ENOX1: variants seen among roughly 807,000 people sequenced by gnomAD.
ENOX1 encodes the protein candidate growth-related and time keeping constitutive hydroquinone (NADH) oxidase.
ENOX1 carries 42 observed loss-of-function variants against 82.5 expected under a neutral mutation model. The ratio of observed to expected loss-of-function variants is 0.51; its 90% CI spans 0.40 to 0.66. The LOEUF is 0.66. ENOX1 is among the 30% of genes least tolerant of loss of function. ENOX1 has a pLI of 0.00. For missense variants in ENOX1, 608 were observed against 811.6 expected, an observed-to-expected ratio of 0.75 and a Z score of 3.05; for synonymous variants, 271 against 282.2, an observed-to-expected ratio of 0.96 and a Z score of 0.40.
chr13:43,507,821 G>T (rs2077226028), intron 2 of ENOX1, among the ~76,000 whole-genome samples: 1 of 151,736 alleles, frequency 6.6e-6, no homozygotes, highest in Non-Finnish European at 1.5e-5. Context: ...TGCAATAAAG[G>T]CAGATTACAC....
rs7988098 is a variant in ENOX1, at chr13:43,299,753, A to G, written c.1262-1223T>C. Among the ~76,000 whole-genome samples, 1,166 of 152,320 alleles carry G rather than the reference A, an allele frequency of 7.7e-3. 12 individuals carry two copies. The highest frequency in any genetic ancestry group is 0.021 in the African/African-American group (893 of 41,544). On this transcript the variant is annotated intron_variant, in intron 11 of 16. Coordinates refer to ENST00000690772, the MANE Select transcript of ENOX1 (RefSeq NM_001347969.2). ...ACTTGTGTAAGCAAGAGAAAAGTGA[A>G]AGAAAATTTGAAACGCTTGTTACCA... is the stretch of plus-strand genomic sequence containing the variant.
rs1818562795 is a variant in ENOX1 at position 43,213,606 on chromosome 13, G to GATTTCA, written c.*378_*383dup. ...GACTTTCAGGAAAATGTCATTTAAT[G>GATTTCA]ATTTCAGCTATACATTACATATACA... On this transcript the variant is annotated 3_prime_UTR_variant, in exon 17 of 17. Coordinates refer to ENST00000690772, the MANE Select transcript of ENOX1 (RefSeq NM_001347969.2). 1 of 97,832 alleles carries GATTTCA rather than the reference G, an allele frequency of 1.0e-5. No individual in the cohort carries two copies. Among genetic ancestry groups the GATTTCA allele is most frequent in the Non-Finnish European group, 1.9e-5 (1 of 52,502 alleles). 6.1% of individuals were successfully genotyped at this position (97,832 alleles called of 1,614,324 possible). A position where few individuals can be genotyped will look rare whatever the true frequency, so the allele number is the denominator to read the frequency against.
At chr13:43,670,765 C>T (rs2085222747) in intron 1 of ENOX1, among the ~76,000 whole-genome samples, 1 of 152,058 alleles carries the variant, frequency 6.6e-6, no homozygotes, top group Non-Finnish European at 1.5e-5. Context: ...ATTGCTTGAG[C>T]CCAGGAAGTG....
At chr13:43,437,566 C>T (rs1004825346) in intron 3 of ENOX1, among the ~76,000 whole-genome samples, 2 of 152,098 alleles carry the variant, frequency 1.3e-5, no homozygotes, top group African/African-American at 4.8e-5. Context: ...AGGTTTGTGA[C>T]CTGGGGCAAA....
intron 3 of ENOX1, among the ~76,000 whole-genome samples, chr13:43,439,152 C>G (rs536828803): frequency 1.3e-5 from 2 of 149,896 alleles, no homozygotes; most frequent in East Asian, 2.0e-4. Flanking sequence ...CGGGTTCAAG[C>G]AATTCTCCTG....
intron 1 of ENOX1, among the ~76,000 whole-genome samples, chr13:43,674,598 A>C (rs1457089993): frequency 6.6e-6 from 1 of 152,038 alleles, no homozygotes; most frequent in Non-Finnish European, 1.5e-5. Context: ...GGGAGGGAGG[A>C]ATAGGCAGAG....
intron 2 of ENOX1, among the ~76,000 whole-genome samples, chr13:43,500,017 G>T (rs1401793697): frequency 6.6e-6 from 1 of 151,848 alleles, no homozygotes; most frequent in Non-Finnish European, 1.5e-5. Context: ...ATGTCATTTC[G>T]AATTATTAAA....
chr13:43,334,937 G>A (rs1406045558), intron 9 of ENOX1, among the ~76,000 whole-genome samples: 4 of 152,166 alleles, frequency 2.6e-5, no homozygotes, highest in Admixed American at 6.5e-5. Context: ...GCATGTAGAC[G>A]GGAAGAGAGA....
chr13:43,306,543 C>T (rs763310469), intron 11 of ENOX1, among the ~76,000 whole-genome samples: 11 of 152,158 alleles, frequency 7.2e-5, no homozygotes, highest in Non-Finnish European at 1.6e-4. Context: ...CAGTGCACCT[C>T]CCTTGGGTGT....
At chr13:43,687,822 A>G (rs886452062) in intron 1 of ENOX1, among the ~76,000 whole-genome samples, 3 of 152,122 alleles carry the variant, frequency 2.0e-5, no homozygotes, top group Non-Finnish European at 4.4e-5. Flanking sequence ...ACAGGGTGCT[A>G]TGGGCCACAC....
chr13:43,370,896 C>T (rs1395217870), intron 5 of ENOX1, among the ~76,000 whole-genome samples: 1 of 108,322 alleles, frequency 9.2e-6, no homozygotes, highest in Non-Finnish European at 2.5e-5. Context: ...CTTCTATATC[C>T]CCCCTGTCCC....
chr13:43,237,042 G>T (rs1452049723), intron 14 of ENOX1, among the ~76,000 whole-genome samples: 1 of 152,186 alleles, frequency 6.6e-6, no homozygotes, highest in Non-Finnish European at 1.5e-5. Flanking sequence ...AACTGTGTTT[G>T]ATTATAGCTA....
intron 16 of ENOX1, among the ~76,000 whole-genome samples, chr13:43,222,645 T>C (rs894172410): frequency 9.2e-5 from 14 of 152,176 alleles, no homozygotes; most frequent in Admixed American, 2.0e-4. Flanking sequence ...AATCATTTCT[T>C]GAGGGGTTAT....
chr13:43,291,613 T>C (rs1229162008), intron 12 of ENOX1, among the ~76,000 whole-genome samples: 1 of 152,058 alleles, frequency 6.6e-6, no homozygotes, highest in Non-Finnish European at 1.5e-5. Flanking sequence ...CCAGAACAAT[T>C]TGCAATACTC....
At chr13:43,445,313 T>G (rs59376388) in intron 3 of ENOX1, among the ~76,000 whole-genome samples, 51 of 151,956 alleles carry the variant, frequency 3.4e-4, no homozygotes, top group East Asian at 1.4e-3. Flanking sequence ...TTAGTAGAGA[T>G]GGGGTTTCAC....
chr13:43,536,623 G>A (rs73476006), intron 2 of ENOX1, among the ~76,000 whole-genome samples: 1,732 of 152,078 alleles, frequency 0.011, 35 homozygotes, highest in African/African-American at 0.04. Context: ...TTCCAAACCA[G>A]AATGATAAAG....
At chr13:43,283,995 G>A (rs1037518527) in intron 12 of ENOX1, among the ~76,000 whole-genome samples, 4 of 151,708 alleles carry the variant, frequency 2.6e-5, no homozygotes, top group African/African-American at 7.3e-5. Context: ...AGTTATTTTT[G>A]GCACTGATTT....
chr13:43,430,500 T>G (rs371407684), intron 3 of ENOX1, among the ~76,000 whole-genome samples: 4 of 152,272 alleles, frequency 2.6e-5, no homozygotes, highest in East Asian at 3.9e-4. Flanking sequence ...GAGAACACCT[T>G]TCTTGATATG....
intron 2 of ENOX1, among the ~76,000 whole-genome samples, chr13:43,493,999 G>C (rs111507453): frequency 6.6e-6 from 1 of 152,114 alleles, no homozygotes; most frequent in Non-Finnish European, 1.5e-5. Flanking sequence ...AAAATAAATG[G>C]AGGAACTACC....
Sources: gnomAD v4.1 joint callset for allele counts (sites outside exome capture counted in the v4.1 genomes callset) on GRCh38, gnomAD v4.1.1 for gene constraint, MANE v1.5 for transcripts, NCBI Gene and HGNC (gene_info 2026-07-23, HGNC 2026-07-21) for gene names.